Variants in ZBTB20 observed in about 807,000 individuals in gnomAD.
The protein encoded by ZBTB20 is zinc finger and BTB domain-containing protein 20.
Under a neutral mutation model 56.9 loss-of-function variants are expected in ZBTB20, and 9 were observed. The ratio of observed to expected loss-of-function variants is 0.16; its 90% CI spans 0.10 to 0.28. The LOEUF (loss-of-function observed/expected upper bound fraction) is 0.28, where lower values mean the gene tolerates loss of function less well. Among genes scored for constraint, ZBTB20 ranks in the 10% least tolerant of loss-of-function variants. The pLI is 1.00. For synonymous variants in ZBTB20, 417 were observed against 420.7 expected, an observed-to-expected ratio of 0.99 and a Z score of 0.11; for missense variants, 655 against 1,003.0, an observed-to-expected ratio of 0.65 and a Z score of 4.69.
At chr3:114,416,512 C>G (rs977470391) in intron 7 of ZBTB20, among the ~76,000 whole-genome samples, 1 of 151,974 alleles carries the variant, frequency 6.6e-6, no homozygotes. Flanking sequence ...CCCACTTTCT[C>G]CCCTTCTAGA....
At chr3:115,051,425 T>G (rs754807770) in intron 2 of ZBTB20, among the ~76,000 whole-genome samples, 69 of 152,198 alleles carry the variant, frequency 4.5e-4, no homozygotes, top group Non-Finnish European at 2.4e-4. Flanking sequence ...GCTGATATGA[T>G]AGATGGGTAG....
chr3:114,685,484 T>A lies in ZBTB20; in HGVS notation c.-295+8044A>T, dbSNP rs76374584. ...CAGCCCTCGGCAGGTTTCACTCTTGTAGCTCTGCTACGCAATGTGCAGCTG... is the reference window on the plus strand; with the variant it reads ...CAGCCCTCGGCAGGTTTCACTCTTGAAGCTCTGCTACGCAATGTGCAGCTG... On this transcript the variant is annotated intron_variant, in intron 6 of 11. Transcript: ENST00000675478. Among the ~76,000 whole-genome samples, 1,024 of 152,354 alleles carry A rather than the reference T, an allele frequency of 6.7e-3. 7 individuals are homozygous for A. Among genetic ancestry groups the A allele is most frequent in the Non-Finnish European group, 0.011 (730 of 68,032 alleles).
chr3:114,727,033 C>T (rs2065358958), intron 5 of ZBTB20, among the ~76,000 whole-genome samples: 1 of 151,522 alleles, frequency 6.6e-6, no homozygotes, highest in African/African-American at 2.4e-5. Flanking sequence ...ATGGAATAGC[C>T]CTCTTTATTT....
chr3:114,926,452 CA>C (rs1049316167), intron 3 of ZBTB20, among the ~76,000 whole-genome samples: 9 of 151,976 alleles, frequency 5.9e-5, no homozygotes. Flanking sequence ...TTTCTCCACA[CA>C]AGAAGCAAAA....
intron 5 of ZBTB20, among the ~76,000 whole-genome samples, chr3:114,756,833 T>C (rs1342175819): frequency 6.6e-6 from 1 of 152,170 alleles, no homozygotes; most frequent in East Asian, 1.9e-4. Flanking sequence ...TATGTCCTTA[T>C]ACGACCACTC....
At chr3:114,558,248 C>G (rs986302490) in intron 6 of ZBTB20, among the ~76,000 whole-genome samples, 1 of 152,032 alleles carries the variant, frequency 6.6e-6, no homozygotes, top group Non-Finnish European at 1.5e-5. Context: ...AGGAAGCACA[C>G]TTGTGATGAA....
At chr3:114,716,189 G>A (rs77990730) in intron 5 of ZBTB20, among the ~76,000 whole-genome samples, 2,029 of 152,202 alleles carry the variant, frequency 0.013, 49 homozygotes, top group African/African-American at 0.045. Context: ...TCCTCCTGAA[G>A]GTAATAACAT....
intron 2 of ZBTB20, among the ~76,000 whole-genome samples, chr3:115,037,142 A>G (rs1203220563): frequency 1.3e-5 from 2 of 152,178 alleles, no homozygotes; most frequent in African/African-American, 2.4e-5. Context: ...ATTAACTATC[A>G]ATCGTTTTGC....
chr3:114,949,059 C>T lies in ZBTB20; in HGVS notation c.-456+25307G>A, dbSNP rs368534766. Among the ~76,000 whole-genome samples, 13 of 146,080 alleles carry T rather than the reference C, an allele frequency of 8.9e-5. 2 individuals carry two copies. The highest frequency in any genetic ancestry group is 3.6e-4 in the African/African-American group (13 of 35,876). On this transcript the variant is annotated intron_variant, in intron 3 of 11. Coordinates refer to ENST00000675478, the MANE Select transcript of ZBTB20 (RefSeq NM_001348800.3). ...TCTAAATGTTCACTACTTAGTCATG[C>T]ATCATTGATGCAAGGGTAAATAAAT...
At chr3:114,817,311 G>C (rs1472709169) in intron 4 of ZBTB20, among the ~76,000 whole-genome samples, 1 of 152,034 alleles carries the variant, frequency 6.6e-6, no homozygotes, top group East Asian at 1.9e-4. Flanking sequence ...CTGAGGTCAG[G>C]AGTTTAAGAC....
chr3:114,607,608 C>A (rs1483111148), intron 6 of ZBTB20, among the ~76,000 whole-genome samples: 1 of 152,068 alleles, frequency 6.6e-6, no homozygotes, highest in Non-Finnish European at 1.5e-5. Context: ...CAGCCTCATT[C>A]TCTTACTCTT....
At chr3:115,062,188 G>C (rs1028209447) in intron 2 of ZBTB20, among the ~76,000 whole-genome samples, 2 of 152,172 alleles carry the variant, frequency 1.3e-5, no homozygotes, top group African/African-American at 4.8e-5. Flanking sequence ...AAACAGGGAA[G>C]CAGAGCAAAC....
chr3:114,701,715 A>G (rs1279044084), intron 5 of ZBTB20, among the ~76,000 whole-genome samples: 2 of 152,088 alleles, frequency 1.3e-5, no homozygotes, highest in Non-Finnish European at 2.9e-5. Context: ...CTGCAATGCA[A>G]TGCAACACCA....
chr3:114,472,436 G>A (rs887716087), intron 7 of ZBTB20, among the ~76,000 whole-genome samples: 4 of 152,188 alleles, frequency 2.6e-5, no homozygotes, highest in African/African-American at 9.7e-5. Context: ...AGCTGGGCGC[G>A]CAGTGGCTCA....
In ZBTB20 at chr3:114,787,366, T is replaced by TATATATATATACACAC. The variant is rs1278656494; in HGVS notation, c.-343+13734_-343+13735insGTGTGTATATATATAT. Among the ~76,000 whole-genome samples the TATATATATATACACAC allele has an allele frequency of 4.7e-4, 39 of 82,910 alleles. 1 individual carries two copies. Among genetic ancestry groups the TATATATATATACACAC allele is most frequent in the African/African-American group, 1.8e-3 (34 of 19,020 alleles). The allele number at this position is 82,910 out of a possible 152,430, so 54.4% of individuals were successfully genotyped here. A position where few individuals can be genotyped will look rare whatever the true frequency, so the allele number is the denominator to read the frequency against. ...ATATATATATATATATATATATATA[T>TATATATATATACACAC]ATACACACACACACACACACACACA... On this transcript the variant is annotated intron_variant, in intron 5 of 11. Transcript: ENST00000675478.
chr3:115,032,949 C>A (rs2108353612), intron 2 of ZBTB20, among the ~76,000 whole-genome samples: 1 of 129,540 alleles, frequency 7.7e-6, no homozygotes, highest in Non-Finnish European at 1.6e-5. Flanking sequence ...ACTTTACAAC[C>A]TAAGGAACTA....
At chr3:114,926,168 A>G (rs1043806601) in intron 3 of ZBTB20, among the ~76,000 whole-genome samples, 1 of 152,208 alleles carries the variant, frequency 6.6e-6, no homozygotes, top group Non-Finnish European at 1.5e-5. Context: ...CCTACAGAGA[A>G]AGCAAGGGCT....
intron 6 of ZBTB20, among the ~76,000 whole-genome samples, chr3:114,575,401 T>C (rs2053900170): frequency 6.6e-6 from 1 of 152,162 alleles, no homozygotes; most frequent in Non-Finnish European, 1.5e-5. Flanking sequence ...GCTTTTTCCC[T>C]TGCTAATCTA....
At chr3:114,728,068 A>C (rs1469403130) in intron 5 of ZBTB20, among the ~76,000 whole-genome samples, 1 of 152,206 alleles carries the variant, frequency 6.6e-6, no homozygotes, top group East Asian at 1.9e-4. Flanking sequence ...CCTGTTGTTA[A>C]ATATCTTCAT....
Sources: allele counts gnomAD v4.1 joint callset (sites outside exome capture counted in the v4.1 genomes callset), GRCh38; gene constraint gnomAD v4.1.1; transcripts MANE v1.5; gene names NCBI Gene and HGNC (gene_info 2026-07-23, HGNC 2026-07-21).